Variants in SUCLG2 observed in about 807,000 individuals in gnomAD.
SUCLG2 encodes the protein succinate-CoA ligase GDP-forming subunit beta, also known as succinate--CoA ligase [GDP-forming] subunit beta, mitochondrial.
In SUCLG2, 42 loss-of-function variants were observed where a neutral mutation model predicts 47.9. That is an observed-to-expected ratio of 0.88 (90% CI 0.69 to 1.14). The LOEUF is 1.14. SUCLG2 is among the 50% of genes most tolerant of loss of function. SUCLG2 has a pLI of 0.00. For synonymous variants in SUCLG2, 195 were observed against 197.3 expected, an observed-to-expected ratio of 0.99 and a Z score of 0.10; for missense variants, 571 against 525.9, an observed-to-expected ratio of 1.09 and a Z score of -0.84.
intron 5 of SUCLG2, among the ~76,000 whole-genome samples, chr3:67,519,608 T>C (rs1170848346): frequency 6.6e-6 from 1 of 152,186 alleles, no homozygotes; most frequent in Admixed American, 6.5e-5. Flanking sequence ...GTACATTATT[T>C]AGACAAAGAG....
At chr3:67,608,852 A>G (rs899764873) in intron 2 of SUCLG2, among the ~76,000 whole-genome samples, 14 of 151,866 alleles carry the variant, frequency 9.2e-5, no homozygotes, top group African/African-American at 3.4e-4. Flanking sequence ...TAATTTTTTT[A>G]GTTTTTGTAG....
At chr3:67,586,353 A>G (rs1708019631) in intron 2 of SUCLG2, among the ~76,000 whole-genome samples, 1 of 152,228 alleles carries the variant, frequency 6.6e-6, no homozygotes, top group South Asian at 2.1e-4. Context: ...AGCTCCTGGA[A>G]CAACCTAGAC....
intron 9 of SUCLG2, among the ~76,000 whole-genome samples, chr3:67,417,998 T>C (rs4856784): frequency 0.16 from 24,804 of 152,066 alleles, 2,486 homozygotes; most frequent in East Asian, 0.41. Flanking sequence ...GGACATAAGA[T>C]ACAAAGATAA....
intron 9 of SUCLG2, among the ~76,000 whole-genome samples, chr3:67,440,366 C>T (rs572198396): frequency 2.0e-5 from 3 of 152,032 alleles, no homozygotes; most frequent in Non-Finnish European, 4.4e-5. Context: ...GCAACAAAAG[C>T]CAAAATTGAC....
At chr3:67,628,375 G>A (rs899431510) in intron 1 of SUCLG2, among the ~76,000 whole-genome samples, 3 of 152,192 alleles carry the variant, frequency 2.0e-5, no homozygotes, top group Non-Finnish European at 4.4e-5. Flanking sequence ...ACCCCTATAT[G>A]CAATTGTAAG....
At chr3:67,540,148 T>C (rs1706662864) in intron 2 of SUCLG2, among the ~76,000 whole-genome samples, 1 of 151,736 alleles carries the variant, frequency 6.6e-6, no homozygotes, top group East Asian at 2.0e-4. Flanking sequence ...ATTGTGATGT[T>C]AGGGTGTCGA....
At chr3:67,376,442 A>T (rs12714460) in intron 10 of SUCLG2, 536,473 of 984,666 alleles carry the variant, frequency 0.54, 146,850 homozygotes, top group Middle Eastern at 0.64. Flanking sequence ...ACTTCATTCA[A>T]AGGTGTGCTT....
intron 10 of SUCLG2, among the ~76,000 whole-genome samples, chr3:67,391,718 T>A (rs767046404): frequency 6.6e-6 from 1 of 152,068 alleles, no homozygotes; most frequent in Non-Finnish European, 1.5e-5. Context: ...CTTAGCTGAG[T>A]GGTGGAATTG....
intron 10 of SUCLG2, among the ~76,000 whole-genome samples, chr3:67,362,780 G>A (rs140870932): frequency 6.6e-6 from 1 of 152,292 alleles, no homozygotes; most frequent in East Asian, 1.9e-4. Flanking sequence ...AGTAACTGGA[G>A]CTGCCTCATT....
chr3:67,523,807 G>T (rs1449820393), intron 4 of SUCLG2, among the ~76,000 whole-genome samples: 1 of 152,186 alleles, frequency 6.6e-6, no homozygotes. Context: ...TGCAGAGTTA[G>T]TTTAGAGAAT....
intron 2 of SUCLG2, among the ~76,000 whole-genome samples, chr3:67,557,035 C>G (rs928180789): frequency 6.6e-6 from 1 of 152,314 alleles, no homozygotes; most frequent in African/African-American, 2.4e-5. Flanking sequence ...ACAAGACCAC[C>G]TGTCGCTAGC....
At chr3:67,532,228 C>T (rs778853432) in intron 2 of SUCLG2, among the ~76,000 whole-genome samples, 2 of 152,120 alleles carry the variant, frequency 1.3e-5, no homozygotes, top group East Asian at 1.9e-4. Flanking sequence ...CTCTGCCTCC[C>T]GGGTTCAAGC....
intron 2 of SUCLG2, among the ~76,000 whole-genome samples, chr3:67,574,130 T>C (rs1451529391): frequency 2.6e-5 from 4 of 152,194 alleles, no homozygotes; most frequent in African/African-American, 4.8e-5. Context: ...CATGCTCAAA[T>C]ACCTCCTCCT....
At chr3:67,548,255 G>C (rs767935389) in intron 2 of SUCLG2, among the ~76,000 whole-genome samples, 6 of 152,130 alleles carry the variant, frequency 3.9e-5, no homozygotes, top group Non-Finnish European at 5.9e-5. Context: ...TCCTCACATA[G>C]AGCCTTATTA....
intron 2 of SUCLG2, among the ~76,000 whole-genome samples, chr3:67,543,699 A>G (rs1278834659): frequency 6.6e-6 from 1 of 152,158 alleles, no homozygotes; most frequent in Non-Finnish European, 1.5e-5. Flanking sequence ...CAACCAAACT[A>G]TTAACTGAGG....
At chr3:67,490,608 G>C (rs1045999638) in intron 9 of SUCLG2, among the ~76,000 whole-genome samples, 3 of 152,120 alleles carry the variant, frequency 2.0e-5, no homozygotes, top group African/African-American at 2.4e-5. Context: ...ACCTGTATCA[G>C]ACACCTCCCA....
chr3:67,447,315 A>G (rs1253869000), intron 9 of SUCLG2, among the ~76,000 whole-genome samples: 1 of 152,242 alleles, frequency 6.6e-6, no homozygotes, highest in Non-Finnish European at 1.5e-5. Flanking sequence ...TTAACAAGTC[A>G]TTACCAAAAA....
At chr3:67,465,757 C>T (rs559571569) in intron 9 of SUCLG2, among the ~76,000 whole-genome samples, 7 of 152,154 alleles carry the variant, frequency 4.6e-5, no homozygotes, top group Non-Finnish European at 1.0e-4. Context: ...AATCCTTGCA[C>T]ATTTAATCTT....
At chr3:67,566,856 A>G (rs1300345112) in intron 2 of SUCLG2, among the ~76,000 whole-genome samples, 2 of 152,222 alleles carry the variant, frequency 1.3e-5, no homozygotes, top group African/African-American at 2.4e-5. Flanking sequence ...CTATGTTTTT[A>G]TGCCTCATAA....
Sources: gnomAD v4.1 joint callset for allele counts (sites outside exome capture counted in the v4.1 genomes callset) on GRCh38, gnomAD v4.1.1 for gene constraint, MANE v1.5 for transcripts, NCBI Gene and HGNC (gene_info 2026-07-23, HGNC 2026-07-21) for gene names.